EXOC2: variants seen among roughly 807,000 people sequenced by gnomAD.
The protein encoded by EXOC2 is exocyst complex component 2.
Under a neutral mutation model 131.8 loss-of-function variants are expected in EXOC2, and 70 were observed. That is an observed-to-expected ratio of 0.53 (90% CI 0.44 to 0.65). EXOC2 has a LOEUF of 0.65. Ranked by LOEUF, EXOC2 falls within the 30% of genes least tolerant of loss-of-function variation. The pLI, the probability that EXOC2 is intolerant of heterozygous loss-of-function variation, is 0.00. For synonymous variants in EXOC2, 411 were observed against 398.4 expected (o/e 1.03, Z -0.38); for missense variants, 923 against 1,108.6 (o/e 0.83, Z 2.38).
At chr6:544,943 C>T (rs1390681366) in intron 22 of EXOC2, among the ~76,000 whole-genome samples, 2 of 151,588 alleles carry the variant, frequency 1.3e-5, no homozygotes, top group Non-Finnish European at 2.9e-5. Flanking sequence ...GTCAGGAGAT[C>T]GAGACCATCC....
At position 546,047 on chromosome 6, in the gene EXOC2, G is replaced by T. The variant is rs561935912; in HGVS notation, c.2238+3128C>A. ...ATAACATATAGATAGGATATATAAA[G>T]TCATGGTTACTATAAATATTAAAAT... On this transcript the variant is annotated intron_variant, in intron 22 of 27. Transcript: ENST00000230449. Among the ~76,000 whole-genome samples the T allele has an allele frequency of 2.8e-4, 42 of 152,114 alleles. No individual in the cohort carries two copies. The Middle Eastern group carries it at 0.014, about 49-fold the overall frequency.
At chr6:581,734 G>A (rs1758916818) in intron 11 of EXOC2, among the ~76,000 whole-genome samples, 1 of 135,578 alleles carries the variant, frequency 7.4e-6, no homozygotes, top group Admixed American at 7.0e-5. Flanking sequence ...TTAGTATCTT[G>A]GAAGGAAAAA....
intron 11 of EXOC2, among the ~76,000 whole-genome samples, chr6:581,470 A>G (rs1410060227): frequency 6.6e-6 from 1 of 152,220 alleles, no homozygotes; most frequent in Non-Finnish European, 1.5e-5. Context: ...TACCTGAGGA[A>G]TAACTACAGA....
At chr6:596,153 C>G (rs557031211) in intron 10 of EXOC2, among the ~76,000 whole-genome samples, 15 of 151,870 alleles carry the variant, frequency 9.9e-5, no homozygotes, top group Non-Finnish European at 1.9e-4. Flanking sequence ...ATGCTGCACA[C>G]GTGCAGGGGT....
At chr6:561,143 G>C (rs188151854) in intron 17 of EXOC2, among the ~76,000 whole-genome samples, 1 of 152,264 alleles carries the variant, frequency 6.6e-6, no homozygotes, top group East Asian at 1.9e-4. Context: ...AAATCACCTT[G>C]TTATATATAA....
At chr6:660,875 G>A (rs559148921) in intron 1 of EXOC2, among the ~76,000 whole-genome samples, 20 of 152,262 alleles carry the variant, frequency 1.3e-4, no homozygotes, top group African/African-American at 3.9e-4. Flanking sequence ...AGGGAAAGGC[G>A]GAGCCCAATG....
Position 592,454 on chromosome 6 carries a change from AAG to A in EXOC2, c.1192+13_1192+14del. On this transcript the variant is annotated intron_variant, in intron 11 of 27. Transcript: ENST00000230449. ...ATGAAGGAATCACACAACACATTGGAAGAGAAATCCTTGCCTTTCAGATCTTT... is the reference window on the plus strand; with the variant it reads ...ATGAAGGAATCACACAACACATTGGAAGAAATCCTTGCCTTTCAGATCTTT... The A allele has an allele frequency of 6.2e-7, 1 of 1,602,110 alleles. No homozygotes were observed. The highest frequency in any genetic ancestry group is 8.5e-7 in the Non-Finnish European group (1 of 1,169,594).
In EXOC2 at chr6:625,866, G is replaced by GT. The variant is rs372915635; in HGVS notation, c.422+3968dup. Among the ~76,000 whole-genome samples the GT allele has an allele frequency of 5.7e-3, 875 of 152,200 alleles. 8 individuals carry two copies. The highest frequency in any genetic ancestry group is 0.02 in the African/African-American group (835 of 41,534). Reference sequence around the variant, plus strand: ...TCCCAGGTAATAAGTCACAAAAACAGTTGAGATCATATAAAAACAGTACAA... The same window carrying GT: ...TCCCAGGTAATAAGTCACAAAAACAGTTTGAGATCATATAAAAACAGTACAA... On this transcript the variant is annotated intron_variant, in intron 4 of 27. Coordinates refer to ENST00000230449, the MANE Select transcript of EXOC2 (RefSeq NM_018303.6).
chr6:619,524 C>T lies in EXOC2; in HGVS notation c.442G>A (p.Asp148Asn). ...ATTCCATGGAATAGCATTTCTAAGTCCTTCTGCGAAAATTTACTTCTGAGG... is the reference window on the plus strand; with the variant it reads ...ATTCCATGGAATAGCATTTCTAAGTTCTTCTGCGAAAATTTACTTCTGAGG... ...EIEKSKFSQKDLEMLFHGMSA... is the reference protein window; with the variant it reads ...EIEKSKFSQKNLEMLFHGMSA... The change falls in exon 5 of 28, where the codon GAC becomes AAC. Residue 148 changes from aspartate to asparagine, a missense_variant. Physicochemically the swap from Asp to Asn is conservative, Grantham distance 23. Transcript: ENST00000230449. 1 of 1,613,760 alleles carries T rather than the reference C, an allele frequency of 6.2e-7. No individual in the cohort carries two copies. Among genetic ancestry groups the T allele is most frequent in the South Asian group, 1.1e-5 (1 of 91,018 alleles).
rs747172973 is a variant in EXOC2, at chr6:610,019, G to A, written c.742+79C>T. On this transcript the variant is annotated intron_variant, in intron 7 of 27. Transcript: ENST00000230449. ...AAAATGCAACTTACTGCCTTGTCCC[G>A]CGATATCAGGTCCAAGAACTAATTT... 4.1e-4 allele frequency: 518 copies of A among 1,253,344 alleles called. 1 individual carries two copies. The highest frequency in any genetic ancestry group is 5.0e-4 in the Non-Finnish European group (438 of 872,976). 77.6% of individuals were successfully genotyped at this position (1,253,344 alleles called of 1,614,324 possible).
intron 11 of EXOC2, among the ~76,000 whole-genome samples, chr6:581,551 T>C (rs1758904948): frequency 6.6e-6 from 1 of 152,176 alleles, no homozygotes; most frequent in African/African-American, 2.4e-5. Context: ...GTAGTATTTC[T>C]AATTGCAAAA....
At chr6:537,293 C>T (rs1405764660) in intron 22 of EXOC2, among the ~76,000 whole-genome samples, 5 of 135,166 alleles carry the variant, frequency 3.7e-5, no homozygotes, top group South Asian at 2.5e-4. Flanking sequence ...CTCGAGTTGA[C>T]AGCCGACGGA....
At chr6:535,828 A>G (rs1766409053) in intron 22 of EXOC2, among the ~76,000 whole-genome samples, 1 of 152,172 alleles carries the variant, frequency 6.6e-6, no homozygotes. Flanking sequence ...ATCCAAACTG[A>G]GCAAGATATT....
intron 17 of EXOC2, among the ~76,000 whole-genome samples, chr6:558,740 GA>G (rs930323569): frequency 2.0e-4 from 30 of 152,042 alleles, no homozygotes; most frequent in African/African-American, 7.0e-4. Context: ...TTGAACCAGG[GA>G]GGCAGATGTT....
At chr6:661,954 G>GA (rs1207217719) in intron 1 of EXOC2, among the ~76,000 whole-genome samples, 1 of 152,168 alleles carries the variant, frequency 6.6e-6, no homozygotes, top group African/African-American at 2.4e-5. Flanking sequence ...TAAAGGGGTG[G>GA]AAAAAGGCAT....
chr6:692,874 C>G (rs1765015008), intron 1 of EXOC2, 145 bp downstream of exon 1: 1 of 152,268 alleles, frequency 6.6e-6, no homozygotes, highest in African/African-American at 2.4e-5. Flanking sequence ...GGTCGCGGGG[C>G]CCCGCAGGTG....
intron 1 of EXOC2, among the ~76,000 whole-genome samples, chr6:663,959 A>C (rs1232686951): frequency 1.3e-5 from 2 of 152,200 alleles, no homozygotes; most frequent in Non-Finnish European, 2.9e-5. Flanking sequence ...AAGAGAAAGA[A>C]AGGCATCCAA....
intron 22 of EXOC2, among the ~76,000 whole-genome samples, chr6:533,337 G>A (rs1766217811): frequency 6.6e-6 from 1 of 152,148 alleles, no homozygotes; most frequent in South Asian, 2.1e-4. Flanking sequence ...ATCATGTTCT[G>A]TTTCTTCATA....
At chr6:549,059 T>C in intron 22 of EXOC2, 116 bp downstream of exon 22, 1 of 779,104 alleles carries the variant, frequency 1.3e-6, no homozygotes, top group Non-Finnish European at 2.2e-6. Context: ...GCAGTGTGGC[T>C]GTGGGGGCGG....
Sources: allele counts gnomAD v4.1 joint callset (sites outside exome capture counted in the v4.1 genomes callset), GRCh38; gene constraint gnomAD v4.1.1; transcripts MANE v1.5; gene names NCBI Gene and HGNC (gene_info 2026-07-23, HGNC 2026-07-21).